The following BARX2 variants were observed in gnomAD, a reference collection of about 807,000 sequenced individuals.
BARX2 encodes the protein homeobox protein BarH-like 2.
BARX2 carries 11 observed loss-of-function variants against 25.5 expected under a neutral mutation model. The observed-to-expected ratio is 0.43, with a 90% CI of 0.27 to 0.71. The LOEUF is 0.71. Ranked by LOEUF, BARX2 falls within the 30% of genes least tolerant of loss-of-function variation. BARX2 has a pLI of 0.19. For synonymous variants in BARX2, 137 were observed against 149.5 expected (o/e 0.92, Z 0.61); for missense variants, 360 against 359.9 (o/e 1.00, Z 0.00).
Position 129,421,629 on chromosome 11 carries a change from G to A in BARX2, c.188-15122G>A, listed in dbSNP as rs117648847. On this transcript the variant is annotated intron_variant, in intron 1 of 3. Transcript: ENST00000281437. ...TGCCTGTATGATGCCAGTCATCACA[G>A]TAATGGGAAATCTTCCGATCACTGA... Among the ~76,000 whole-genome samples the A allele has an allele frequency of 7.2e-3, 1,102 of 152,330 alleles. 52 individuals carry two copies. The highest frequency in any genetic ancestry group is 0.063 in the Admixed American group (963 of 15,306).
chr11:129,416,628 C>A (rs997086844), intron 1 of BARX2, among the ~76,000 whole-genome samples: 2 of 152,086 alleles, frequency 1.3e-5, no homozygotes, highest in Non-Finnish European at 2.9e-5. Context: ...TGAACTCTGA[C>A]CTGCTAGAAG....
At chr11:129,383,783 T>C (rs1455540030) in intron 1 of BARX2, among the ~76,000 whole-genome samples, 1 of 152,194 alleles carries the variant, frequency 6.6e-6, no homozygotes, top group African/African-American at 2.4e-5. Flanking sequence ...CAGGATTCCT[T>C]TTTACCGCGT....
At chr11:129,377,699 T>C (rs1290205528) in intron 1 of BARX2, among the ~76,000 whole-genome samples, 1 of 152,232 alleles carries the variant, frequency 6.6e-6, no homozygotes, top group African/African-American at 2.4e-5. Context: ...TCCTTTGTTA[T>C]AATAACTCAA....
chr11:129,412,890 A>C (rs1662110737), intron 1 of BARX2, among the ~76,000 whole-genome samples: 1 of 152,228 alleles, frequency 6.6e-6, no homozygotes. Context: ...TCAGAGAATA[A>C]TACACAGTAT....
At chr11:129,430,857 TTTTTG>T (rs1217323869) in intron 1 of BARX2, among the ~76,000 whole-genome samples, 1 of 152,132 alleles carries the variant, frequency 6.6e-6, no homozygotes, top group Non-Finnish European at 1.5e-5. Flanking sequence ...TTCATCAAGT[TTTTTG>T]TTTTGTTTTA....
At chr11:129,413,880 G>A (rs903163503) in intron 1 of BARX2, among the ~76,000 whole-genome samples, 1 of 152,024 alleles carries the variant, frequency 6.6e-6, no homozygotes, top group Non-Finnish European at 1.5e-5. Flanking sequence ...TGGCTAACAC[G>A]GTGAAAACCC....
chr11:129,408,123 C>T (rs775620323), intron 1 of BARX2, among the ~76,000 whole-genome samples: 60 of 149,654 alleles, frequency 4.0e-4, no homozygotes, highest in Non-Finnish European at 7.7e-4. Flanking sequence ...AGGAGTATGG[C>T]ATGGAAAGGC....
intron 1 of BARX2, among the ~76,000 whole-genome samples, chr11:129,411,090 G>C (rs961724980): frequency 6.6e-6 from 1 of 152,196 alleles, no homozygotes. Context: ...TAGCAGAGTG[G>C]GCCGGGCCCA....
chr11:129,393,542 A>G (rs971964223), intron 1 of BARX2, among the ~76,000 whole-genome samples: 7 of 149,954 alleles, frequency 4.7e-5, no homozygotes, highest in African/African-American at 1.7e-4. Flanking sequence ...TTCCTGGAGC[A>G]GTAAAGTTCT....
At chr11:129,437,692 CCTTTT>C (rs981989402) in intron 2 of BARX2, 1 of 159,798 alleles carries the variant, frequency 6.3e-6, no homozygotes, top group African/African-American at 2.4e-5. Flanking sequence ...TGCCTCACCT[CCTTTT>C]CTTTAATTTA....
At chr11:129,400,494 C>T (rs1861764688) in intron 1 of BARX2, among the ~76,000 whole-genome samples, 1 of 151,978 alleles carries the variant, frequency 6.6e-6, no homozygotes, top group Non-Finnish European at 1.5e-5. Context: ...GAAAATGTGA[C>T]CAAAGATAAA....
chr11:129,433,485 G>C (rs1415013978), intron 1 of BARX2, among the ~76,000 whole-genome samples: 1 of 152,160 alleles, frequency 6.6e-6, no homozygotes, highest in Non-Finnish European at 1.5e-5. Context: ...TAAAATCCAA[G>C]TGATTTGCCC....
chr11:129,417,166 G>T (rs925687498), intron 1 of BARX2, among the ~76,000 whole-genome samples: 4 of 152,172 alleles, frequency 2.6e-5, no homozygotes, highest in African/African-American at 9.7e-5. Context: ...CTCCCAAAGT[G>T]CTGGGACTAC....
At chr11:129,429,805 C>T (rs888778512) in intron 1 of BARX2, among the ~76,000 whole-genome samples, 10 of 152,130 alleles carry the variant, frequency 6.6e-5, no homozygotes, top group Non-Finnish European at 1.3e-4. Context: ...ACTGTGGAAG[C>T]CTTGAATATG....
At chr11:129,437,614 C>T in intron 2 of BARX2, 1 of 680,464 alleles carries the variant, frequency 1.5e-6, no homozygotes, top group Non-Finnish European at 1.8e-6. Flanking sequence ...GGCTGAGAGC[C>T]CCTTCTTTGA....
intron 1 of BARX2, among the ~76,000 whole-genome samples, chr11:129,378,967 G>A (rs6590383): frequency 0.8 from 121,192 of 152,026 alleles, 48,553 homozygotes; most frequent in Admixed American, 0.86. Flanking sequence ...TGAGAAATGG[G>A]AATAGTTTTC....
chr11:129,419,126 G>C (rs1861976319), intron 1 of BARX2, among the ~76,000 whole-genome samples: 1 of 152,180 alleles, frequency 6.6e-6, no homozygotes, highest in Non-Finnish European at 1.5e-5. Flanking sequence ...GGGGTGTCCT[G>C]TCCAGGGCCG....
At chr11:129,400,896 AAG>A (rs1374914818) in intron 1 of BARX2, among the ~76,000 whole-genome samples, 1 of 152,208 alleles carries the variant, frequency 6.6e-6, no homozygotes, top group African/African-American at 2.4e-5. Context: ...AAGATTAGAA[AAG>A]AGAGTCAAGA....
intron 1 of BARX2, among the ~76,000 whole-genome samples, chr11:129,414,361 G>C (rs1055944753): frequency 3.3e-5 from 5 of 152,070 alleles, no homozygotes; most frequent in African/African-American, 9.6e-5. Flanking sequence ...GCTTATCTAA[G>C]AGCTACCGAG....
Sources: allele counts gnomAD v4.1 joint callset (sites outside exome capture counted in the v4.1 genomes callset), GRCh38; gene constraint gnomAD v4.1.1; transcripts MANE v1.5; gene names NCBI Gene and HGNC (gene_info 2026-07-23, HGNC 2026-07-21).